DIAPH1: variants seen among roughly 807,000 people sequenced by gnomAD.
DIAPH1 encodes protein diaphanous homolog 1.
A neutral mutation model predicts 140.7 loss-of-function variants in DIAPH1; 46 were observed. That is an observed-to-expected ratio of 0.33 (90% CI 0.26 to 0.42). The LOEUF (loss-of-function observed/expected upper bound fraction) is 0.42. Ranked by LOEUF, DIAPH1 falls within the 10% of genes least tolerant of loss-of-function variation. The pLI, the probability that DIAPH1 is intolerant of heterozygous loss-of-function variation, is 1.00. For synonymous variants in DIAPH1, 565 were observed against 551.6 expected, an observed-to-expected ratio of 1.02 and a Z score of -0.34; for missense variants, 1,310 against 1,558.7, an observed-to-expected ratio of 0.84 and a Z score of 2.69.
At chr5:141,531,009 CTCTT>C (rs1232685785) in intron 19 of DIAPH1, among the ~76,000 whole-genome samples, 7 of 152,146 alleles carry the variant, frequency 4.6e-5, no homozygotes, top group African/African-American at 1.4e-4. Flanking sequence ...TTACCAGTTT[CTCTT>C]TCTTTCACTT....
chr5:141,562,160 A>C (rs2099893639), intron 18 of DIAPH1, among the ~76,000 whole-genome samples: 1 of 152,152 alleles, frequency 6.6e-6, no homozygotes, highest in Non-Finnish European at 1.5e-5. Context: ...GGAAGATCAA[A>C]AGGACATGTA....
intron 1 of DIAPH1, chr5:141,618,500 G>A (rs759681461): frequency 1.9e-5 from 6 of 309,872 alleles, no homozygotes; most frequent in Admixed American, 1.6e-4. Context: ...GTGAGGCTGA[G>A]AGGGGAGAGA....
At chr5:141,588,878 C>G (rs1406367992) in intron 1 of DIAPH1, 1 of 152,406 alleles carries the variant, frequency 6.6e-6, no homozygotes, top group Non-Finnish European at 1.5e-5. Context: ...AAATGGCCAT[C>G]AAGAGTAGAA....
At chr5:141,554,734 A>G (rs2099892300) in intron 18 of DIAPH1, among the ~76,000 whole-genome samples, 1 of 152,340 alleles carries the variant, frequency 6.6e-6, no homozygotes, top group South Asian at 2.1e-4. Flanking sequence ...AGGAATGCAA[A>G]ATCGGTGTAA....
chr5:141,596,558 C>A (rs1166708974), intron 1 of DIAPH1, among the ~76,000 whole-genome samples: 1 of 151,976 alleles, frequency 6.6e-6, no homozygotes, highest in African/African-American at 2.4e-5. Flanking sequence ...ATAAACACTG[C>A]AATTCATAAC....
At chr5:141,605,492 A>T (rs1234470808) in intron 1 of DIAPH1, among the ~76,000 whole-genome samples, 1 of 152,254 alleles carries the variant, frequency 6.6e-6, no homozygotes, top group Non-Finnish European at 1.5e-5. Context: ...CAATTACCAT[A>T]GGCAAAATGC....
chr5:141,591,453 A>C (rs2099898392), intron 1 of DIAPH1, among the ~76,000 whole-genome samples: 1 of 151,270 alleles, frequency 6.6e-6, no homozygotes, highest in Non-Finnish European at 1.5e-5. Context: ...TAAAATATCA[A>C]TCCCTGGAGA....
At chr5:141,542,916 T>C (rs966635473) in intron 18 of DIAPH1, among the ~76,000 whole-genome samples, 2 of 152,196 alleles carry the variant, frequency 1.3e-5, no homozygotes, top group African/African-American at 4.8e-5. Flanking sequence ...TTGGTGAAAC[T>C]TGAATATGGA....
Position 141,528,532 on chromosome 5 carries a change from C to A in DIAPH1, c.3069G>T (p.Leu1023Phe), listed in dbSNP as rs535140857. ...TDQKMTLLHF[L>F]AELCENDYPD... is the part of the protein sequence containing the mutation. ...GATAGTCATTCTCACACAACTCAGCCAAGAAGTGTAACAACGTCATCTTCT... is the reference window on the plus strand; with the variant it reads ...GATAGTCATTCTCACACAACTCAGCAAAGAAGTGTAACAACGTCATCTTCT... Residue 1023 changes from leucine to phenylalanine, a missense_variant, in exon 23 of 28, where the codon TTG (leucine) becomes TTT (phenylalanine). This residue lies in a region of DIAPH1 where 344 missense variants were observed against 512.2 expected (regional missense o/e 0.67). Transcript: ENST00000389054. The A allele has an allele frequency of 1.2e-6, 2 of 1,614,180 alleles. No homozygotes were observed. The highest frequency in any genetic ancestry group is 2.7e-5 in the African/African-American group (2 of 75,028).
At chr5:141,581,509 A>C (rs1322943069) in intron 7 of DIAPH1, among the ~76,000 whole-genome samples, 1 of 152,190 alleles carries the variant, frequency 6.6e-6, no homozygotes, top group Non-Finnish European at 1.5e-5. Flanking sequence ...AAAGTCTTTG[A>C]TTTATATGTT....
At chr5:141,575,598 G>A (rs958971734) in intron 14 of DIAPH1, among the ~76,000 whole-genome samples, 4 of 151,744 alleles carry the variant, frequency 2.6e-5, no homozygotes, top group Admixed American at 6.6e-5. Context: ...GCAGTGAGCC[G>A]AGATCGCGCC....
At chr5:141,541,339 C>T (rs939364597) in intron 18 of DIAPH1, among the ~76,000 whole-genome samples, 2 of 152,048 alleles carry the variant, frequency 1.3e-5, no homozygotes, top group African/African-American at 4.8e-5. Context: ...ACTCTAGAAA[C>T]CAGGAACAAG....
chr5:141,531,753 G>A (rs1448406014), intron 19 of DIAPH1, among the ~76,000 whole-genome samples: 4 of 152,114 alleles, frequency 2.6e-5, no homozygotes, highest in Admixed American at 2.6e-4. Flanking sequence ...CTCCCAAAGT[G>A]CTGGGATTAC....
rs1345553272 is a variant in DIAPH1 at position 141,583,593 on chromosome 5, G to C, written c.425C>G (p.Ser142Cys). The C allele has an allele frequency of 6.2e-7, 1 of 1,614,252 alleles. No homozygotes were observed. The highest frequency in any genetic ancestry group is 2.2e-5 in the East Asian group (1 of 44,886). ...CTGAATATACATCATGGCAGACTTA[G>C]AGCTCTCCTTCTGGCTCATGCCCTA... ...SKAGMSQKES[S>C]KSAMMYIQEL... Residue 142 changes from serine to cysteine, a missense_variant, in exon 5 of 28, where the codon TCT becomes TGT. This residue lies in a region of DIAPH1 where 377 missense variants were observed against 497.1 expected (regional missense o/e 0.76). Transcript: ENST00000389054.
chr5:141,597,095 A>C (rs1349052652), intron 1 of DIAPH1, among the ~76,000 whole-genome samples: 1 of 152,212 alleles, frequency 6.6e-6, no homozygotes, highest in East Asian at 1.9e-4. Context: ...CCAATATCCA[A>C]ATAATAGGAG....
intron 18 of DIAPH1, among the ~76,000 whole-genome samples, chr5:141,569,942 A>G (rs2099894910): frequency 6.6e-6 from 1 of 151,990 alleles, no homozygotes; most frequent in South Asian, 2.1e-4. Flanking sequence ...TCTGACAAAA[A>G]CCTAAACTCT....
chr5:141,602,473 C>A (rs1396573204), intron 1 of DIAPH1, among the ~76,000 whole-genome samples: 42 of 152,276 alleles, frequency 2.8e-4, no homozygotes, highest in Non-Finnish European at 8.8e-5. Flanking sequence ...CCTTGGCCTC[C>A]CAAAGTGCTG....
At chr5:141,599,895 G>T (rs1056877613) in intron 1 of DIAPH1, among the ~76,000 whole-genome samples, 1 of 151,576 alleles carries the variant, frequency 6.6e-6, no homozygotes, top group African/African-American at 2.4e-5. Context: ...ATGTTTTTTT[G>T]TTTGTTTGTT....
intron 15 of DIAPH1, 66 bp from the exon 16 acceptor site, chr5:141,574,274 A>G (rs1192303252): frequency 2.0e-6 from 3 of 1,497,544 alleles, no homozygotes; most frequent in African/African-American, 1.4e-5. Context: ...ACTGGAAGGA[A>G]CCTAATAAAC....
Sources: allele counts gnomAD v4.1 joint callset (sites outside exome capture counted in the v4.1 genomes callset), GRCh38; gene constraint gnomAD v4.1.1; regional missense constraint gnomAD v4.1.1; transcripts MANE v1.5; gene names NCBI Gene and HGNC (gene_info 2026-07-23, HGNC 2026-07-21).